Variants in PAPPA observed in about 807,000 individuals in gnomAD.
PAPPA encodes pappalysin 1.
A neutral mutation model predicts 164.0 loss-of-function variants in PAPPA; 60 were observed. That is an observed-to-expected ratio of 0.37 (90% confidence interval 0.30 to 0.45). The LOEUF (loss-of-function observed/expected upper bound fraction) is 0.45. Ranked by LOEUF, PAPPA falls within the 20% of genes least tolerant of loss-of-function variation. The probability of loss-of-function intolerance (pLI) is 1.00; values close to 1 mark genes in which losing one functional copy is unlikely to be tolerated. For synonymous variants in PAPPA, 875 were observed against 814.1 expected (o/e 1.07, Z -1.27); for missense variants, 1,782 against 2,087.3 (o/e 0.85, Z 2.85).
intron 9 of PAPPA, chr9:116,286,375 C>T (rs900383898): frequency 6.6e-6 from 1 of 152,272 alleles, no homozygotes; most frequent in Non-Finnish European, 1.5e-5. Flanking sequence ...GGGGAGAGAG[C>T]CTAATTAACT....
rs78010357 is a variant in PAPPA at position 116,309,650 on chromosome 9, G to A, written c.3147+6700G>A. Among the ~76,000 whole-genome samples, 526 of 152,116 alleles carry A rather than the reference G, an allele frequency of 3.5e-3. 5 individuals are homozygous for A. The highest frequency in any genetic ancestry group is 0.012 in the African/African-American group (500 of 41,476). On this transcript the variant is annotated intron_variant, in intron 10 of 21. Coordinates refer to ENST00000328252, the MANE Select transcript of PAPPA (RefSeq NM_002581.5). ...CAGGAGAGGGAGGACGGGAGAGGGA[G>A]GAAAGAATCACATAATGGGGGCTGC...
chr9:116,378,636 T>C (rs1359533642), intron 20 of PAPPA, among the ~76,000 whole-genome samples: 1 of 152,196 alleles, frequency 6.6e-6, no homozygotes, highest in East Asian at 1.9e-4. Context: ...GATCTAAAAT[T>C]TGATGGAATG....
intron 1 of PAPPA, among the ~76,000 whole-genome samples, chr9:116,183,857 CAG>C (rs1388558834): frequency 2.0e-5 from 3 of 152,126 alleles, no homozygotes; most frequent in Non-Finnish European, 4.4e-5. Flanking sequence ...CAACTGCAAA[CAG>C]AGGTGGCCTG....
chr9:116,180,604 A>G (rs1013948563), intron 1 of PAPPA, among the ~76,000 whole-genome samples: 1 of 152,058 alleles, frequency 6.6e-6, no homozygotes, highest in Non-Finnish European at 1.5e-5. Flanking sequence ...CTCCTTCTAT[A>G]TCTACTCTCC....
chr9:116,193,497 G>A (rs1248322575), intron 2 of PAPPA, among the ~76,000 whole-genome samples: 1 of 152,138 alleles, frequency 6.6e-6, no homozygotes, highest in Non-Finnish European at 1.5e-5. Context: ...GGGAGACTAA[G>A]CCCTCAAGGA....
intron 10 of PAPPA, among the ~76,000 whole-genome samples, chr9:116,324,116 T>C (rs1299611253): frequency 6.6e-6 from 1 of 152,164 alleles, no homozygotes; most frequent in Non-Finnish European, 1.5e-5. Context: ...CTAGCACAAA[T>C]ATATCTATTC....
intron 7 of PAPPA, among the ~76,000 whole-genome samples, chr9:116,257,103 A>G (rs1844937113): frequency 6.6e-6 from 1 of 152,040 alleles, no homozygotes; most frequent in Non-Finnish European, 1.5e-5. Flanking sequence ...ACAAGCGAAA[A>G]TCTTATATAT....
At chr9:116,199,815 G>C (rs779592665) in intron 2 of PAPPA, among the ~76,000 whole-genome samples, 1 of 152,104 alleles carries the variant, frequency 6.6e-6, no homozygotes, top group African/African-American at 2.4e-5. Context: ...GACTCAAACT[G>C]CTTCCCCTCA....
chr9:116,179,311 C>T (rs968650707), intron 1 of PAPPA, among the ~76,000 whole-genome samples: 2 of 152,294 alleles, frequency 1.3e-5, no homozygotes, highest in African/African-American at 4.8e-5. Context: ...CAGGTGCCAT[C>T]AAGGGTGTTC....
In PAPPA at chr9:116,352,922, T is replaced by G. The variant is rs1846303365; in HGVS notation, c.4175+6T>G. ...TCCTCTCGGAAGTCAAAGAAGTAAG[T>G]GGGGTTGGAAATGCAAACTTATGGT... On this transcript the variant is annotated splice_donor_region_variant and intron_variant, in intron 16 of 21. Transcript: ENST00000328252. 1 of 1,611,262 alleles carries G rather than the reference T, an allele frequency of 6.2e-7. No individual in the cohort carries two copies. The highest frequency in any genetic ancestry group is 8.5e-7 in the Non-Finnish European group (1 of 1,177,724).
intron 10 of PAPPA, among the ~76,000 whole-genome samples, chr9:116,313,356 G>A (rs576608253): frequency 3.3e-5 from 5 of 152,250 alleles, no homozygotes; most frequent in South Asian, 2.1e-4. Flanking sequence ...GGGACACTTC[G>A]GTGATGTCTA....
At chr9:116,387,344 C>T (rs981696341) in intron 21 of PAPPA, among the ~76,000 whole-genome samples, 23 of 152,116 alleles carry the variant, frequency 1.5e-4, no homozygotes, top group Non-Finnish European at 3.1e-4. Flanking sequence ...CTTTACATGT[C>T]GTTTCATTTC....
intron 10 of PAPPA, among the ~76,000 whole-genome samples, chr9:116,316,159 G>A (rs528443530): frequency 6.6e-6 from 1 of 152,338 alleles, no homozygotes; most frequent in African/African-American, 2.4e-5. Context: ...TGAGTAGGGT[G>A]TATCTAAATA....
At chr9:116,329,099 G>T (rs1210670600) in intron 10 of PAPPA, among the ~76,000 whole-genome samples, 1 of 152,178 alleles carries the variant, frequency 6.6e-6, no homozygotes, top group Non-Finnish European at 1.5e-5. Flanking sequence ...ACCATTGCAA[G>T]AAGTAATGGA....
intron 9 of PAPPA, among the ~76,000 whole-genome samples, chr9:116,299,877 ATTT>A (rs11365748): frequency 3.5e-5 from 5 of 142,940 alleles, no homozygotes; most frequent in African/African-American, 1.0e-4. Context: ...CATTACCTCC[ATTT>A]TTTTTTTTTT....
At chr9:116,204,673 C>T (rs946202728) in intron 2 of PAPPA, among the ~76,000 whole-genome samples, 96 of 152,000 alleles carry the variant, frequency 6.3e-4, no homozygotes, top group Admixed American at 6.2e-3. Context: ...GCCTTGGCTG[C>T]CCAAAGTGCT....
At chr9:116,352,141 G>A (rs1299711272) in intron 15 of PAPPA, among the ~76,000 whole-genome samples, 1 of 152,182 alleles carries the variant, frequency 6.6e-6, no homozygotes, top group African/African-American at 2.4e-5. Context: ...AAGCTTCACT[G>A]AGCACCAGGA....
In PAPPA at chr9:116,265,852, T is replaced by C. The variant is rs2118813532; in HGVS notation, c.2733-5T>C. On this transcript the variant is annotated splice_polypyrimidine_tract_variant and splice_region_variant and intron_variant, in intron 7 of 21. Transcript: ENST00000328252. Reference sequence around the variant, plus strand: ...GTATAATTATGTCTTCTTTGTATTTTCCAGGGATCTAAATCTTGGCAGTGT... The same window carrying C: ...GTATAATTATGTCTTCTTTGTATTTCCCAGGGATCTAAATCTTGGCAGTGT... 6.3e-7 allele frequency: 1 copy of C among 1,590,400 alleles called. No homozygotes were observed. Among genetic ancestry groups the C allele is most frequent in the Non-Finnish European group, 8.6e-7 (1 of 1,161,480 alleles).
At chr9:116,159,743 C>G (rs1270694787) in intron 1 of PAPPA, among the ~76,000 whole-genome samples, 1 of 152,178 alleles carries the variant, frequency 6.6e-6, no homozygotes, top group Admixed American at 6.5e-5. Flanking sequence ...AAGCACCTCC[C>G]ATTTTTCCCT....
Sources: gnomAD v4.1 joint callset for allele counts (sites outside exome capture counted in the v4.1 genomes callset) on GRCh38, gnomAD v4.1.1 for gene constraint, MANE v1.5 for transcripts, NCBI Gene and HGNC (gene_info 2026-07-23, HGNC 2026-07-21) for gene names.